The following ETV1 variants were observed in gnomAD, a reference collection of about 807,000 sequenced individuals.
ETV1 encodes the protein ETS variant transcription factor 1.
A neutral mutation model predicts 62.3 loss-of-function variants in ETV1; 27 were observed. The observed-to-expected ratio is 0.43, with a 90% CI of 0.32 to 0.60. The LOEUF is 0.60. ETV1 is among the 20% of genes least tolerant of loss of function. The pLI is 0.06. For synonymous variants in ETV1, 222 were observed against 199.6 expected (o/e 1.11, Z -0.94); for missense variants, 605 against 605.8 (o/e 1.00, Z 0.01).
intron 6 of ETV1, among the ~76,000 whole-genome samples, chr7:13,951,949 G>A (rs560047625): frequency 5.3e-5 from 8 of 152,134 alleles, no homozygotes; most frequent in Admixed American, 1.3e-4. Flanking sequence ...ACACTGACTC[G>A]TAGAAACAGA....
chr7:13,956,799 C>T (rs1789515629), intron 6 of ETV1, among the ~76,000 whole-genome samples: 1 of 152,050 alleles, frequency 6.6e-6, no homozygotes, highest in East Asian at 1.9e-4. Context: ...TATACAGAGG[C>T]ACTACATAGG....
intron 11 of ETV1, among the ~76,000 whole-genome samples, chr7:13,909,366 C>T (rs1290908334): frequency 6.6e-6 from 1 of 152,156 alleles, no homozygotes; most frequent in Non-Finnish European, 1.5e-5. Flanking sequence ...GGAAAGCCCC[C>T]TCTTACGCTA....
chr7:13,970,611 C>T (rs1212842863), intron 6 of ETV1, among the ~76,000 whole-genome samples: 3 of 151,916 alleles, frequency 2.0e-5, no homozygotes, highest in African/African-American at 7.3e-5. Flanking sequence ...GTCAGAAAAA[C>T]GAAAGAAGAT....
chr7:13,932,215 C>CA (rs1234270180), intron 8 of ETV1, among the ~76,000 whole-genome samples: 3 of 152,044 alleles, frequency 2.0e-5, no homozygotes, highest in African/African-American at 7.2e-5. Flanking sequence ...GATCAATAAA[C>CA]AAAAAACCAA....
intron 4 of ETV1, among the ~76,000 whole-genome samples, chr7:13,987,259 C>A (rs997187227): frequency 1.3e-5 from 2 of 150,666 alleles, no homozygotes; most frequent in African/African-American, 2.4e-5. Flanking sequence ...AAAGATAATT[C>A]TTTGGCACCA....
intron 9 of ETV1, among the ~76,000 whole-genome samples, chr7:13,923,777 T>C (rs969202517): frequency 2.6e-5 from 4 of 152,036 alleles, no homozygotes; most frequent in Non-Finnish European, 5.9e-5. Context: ...TCACACCTGT[T>C]ATCCCAGCAT....
intron 6 of ETV1, among the ~76,000 whole-genome samples, chr7:13,946,693 G>A (rs1011933351): frequency 5.3e-5 from 8 of 152,206 alleles, no homozygotes; most frequent in African/African-American, 1.9e-4. Context: ...TACAGCTTTG[G>A]TTGAGGGTAG....
intron 9 of ETV1, among the ~76,000 whole-genome samples, chr7:13,921,964 T>C (rs1252425582): frequency 2.0e-5 from 3 of 152,148 alleles, no homozygotes; most frequent in East Asian, 3.9e-4. Flanking sequence ...AAACTGAAAA[T>C]GAATATCTTC....
At chr7:13,972,467 T>C (rs1032588916) in intron 6 of ETV1, among the ~76,000 whole-genome samples, 7 of 152,208 alleles carry the variant, frequency 4.6e-5, no homozygotes, top group African/African-American at 1.7e-4. Flanking sequence ...ACATTATTGA[T>C]GTAATTAAAC....
chr7:13,930,975 T>G (rs138507778), intron 9 of ETV1, among the ~76,000 whole-genome samples: 1 of 151,582 alleles, frequency 6.6e-6, no homozygotes, highest in Non-Finnish European at 1.5e-5. Context: ...TAATTTTTTG[T>G]ACTTTTAGTA....
chr7:13,948,373 C>A (rs1788412160), intron 6 of ETV1, among the ~76,000 whole-genome samples: 1 of 152,170 alleles, frequency 6.6e-6, no homozygotes, highest in Admixed American at 6.5e-5. Flanking sequence ...AGAAACACGT[C>A]ATATTTTTAA....
chr7:13,947,467 G>C (rs924910469), intron 6 of ETV1, among the ~76,000 whole-genome samples: 1 of 149,556 alleles, frequency 6.7e-6, no homozygotes, highest in Non-Finnish European at 1.5e-5. Flanking sequence ...TACTCTATTT[G>C]ATTCTCATCA....
At chr7:13,957,655 C>G (rs891826585) in intron 6 of ETV1, among the ~76,000 whole-genome samples, 1 of 152,140 alleles carries the variant, frequency 6.6e-6, no homozygotes, top group Non-Finnish European at 1.5e-5. Flanking sequence ...ACAATGAGCT[C>G]TGCCAAAGCG....
chr7:13,949,288 A>G (rs1788523945), intron 6 of ETV1, among the ~76,000 whole-genome samples: 1 of 152,236 alleles, frequency 6.6e-6, no homozygotes, highest in African/African-American at 2.4e-5. Flanking sequence ...AAATATATGT[A>G]GTTAGGAATA....
At chr7:13,897,537 AG>A in intron 13 of ETV1, among the ~76,000 whole-genome samples, 1 of 152,314 alleles carries the variant, frequency 6.6e-6, no homozygotes, top group South Asian at 2.1e-4. Flanking sequence ...CCTGTTTCTT[AG>A]ACTACCTCTC....
intron 13 of ETV1, among the ~76,000 whole-genome samples, chr7:13,896,675 T>C (rs375006627): frequency 1.0e-4 from 2 of 19,406 alleles, no homozygotes; most frequent in Admixed American, 4.1e-4. Flanking sequence ...AGGAAAGAAA[T>C]AAAGAAAGAA....
chr7:13,959,099 G>C (rs890187556), intron 6 of ETV1: 1 of 149,072 alleles, frequency 6.7e-6, no homozygotes, highest in African/African-American at 2.5e-5. Context: ...CATTTAATTT[G>C]TAGTCAGGTA....
intron 6 of ETV1, among the ~76,000 whole-genome samples, chr7:13,949,364 C>T (rs762007642): frequency 1.3e-5 from 2 of 152,108 alleles, no homozygotes; most frequent in African/African-American, 2.4e-5. Flanking sequence ...ATAAATGGAT[C>T]GCAATGACCT....
At position 13,906,426 on chromosome 7, in the gene ETV1, T is replaced by C. The variant is rs1782966467; in HGVS notation, c.1110+4A>G. 6.4e-7 allele frequency: 1 copy of C among 1,566,442 alleles called. No homozygotes were observed. On this transcript the variant is annotated splice_donor_region_variant and intron_variant, in intron 12 of 13. Coordinates refer to ENST00000430479, the MANE Select transcript of ETV1 (RefSeq NM_004956.5). ...GTGTCCTAATTAAAATCTATTAAAC[T>C]AACCTCTTCAGGCTCAATCAGTTTA...
Sources: gnomAD v4.1 joint callset for allele counts (sites outside exome capture counted in the v4.1 genomes callset) on GRCh38, gnomAD v4.1.1 for gene constraint, MANE v1.5 for transcripts, NCBI Gene and HGNC (gene_info 2026-07-23, HGNC 2026-07-21) for gene names.